The following HDAC9 variants were observed in gnomAD, a reference collection of about 807,000 sequenced individuals.
HDAC9 encodes the protein MEF-2 interacting transcription repressor (MITR) protein.
Under a neutral mutation model 139.4 loss-of-function variants are expected in HDAC9, and 41 were observed. That is an observed-to-expected ratio of 0.29 (90% CI 0.23 to 0.38). The LOEUF is 0.38. Among genes scored for constraint, HDAC9 ranks in the 10% least tolerant of loss-of-function variants. The probability of loss-of-function intolerance (pLI) is 1.00; values close to 1 mark genes in which losing one functional copy is unlikely to be tolerated. For synonymous variants in HDAC9, 517 were observed against 476.2 expected (o/e 1.09, Z -1.12); for missense variants, 1,147 against 1,297.0 (o/e 0.88, Z 1.78).
At chr7:18,647,290 A>C (rs1057018126) in intron 9 of HDAC9, among the ~76,000 whole-genome samples, 9 of 152,188 alleles carry the variant, frequency 5.9e-5, no homozygotes, top group Non-Finnish European at 1.2e-4. Context: ...TAAAAGGTAC[A>C]TATATTTGTG....
At chr7:18,698,512 T>G (rs1783219925) in intron 12 of HDAC9, among the ~76,000 whole-genome samples, 1 of 152,240 alleles carries the variant, frequency 6.6e-6, no homozygotes, top group Admixed American at 6.5e-5. Context: ...ACTTTGCTGA[T>G]ATAGTATTTC....
At chr7:18,995,937 AAAAATCAGCTTTGATTATGCATG>A (rs1786428206) in intron 25 of HDAC9, 63 bp from the exon 26 acceptor site, 1 of 992,654 alleles carries the variant, frequency 1.0e-6, no homozygotes. Context: ...GAGAGAGCTG[AAAAATCAGCTTTGATTATGCATG>A]AAAATCTACA....
At chr7:18,209,536 A>C (rs1334985394) in intron 2 of HDAC9, among the ~76,000 whole-genome samples, 1 of 152,166 alleles carries the variant, frequency 6.6e-6, no homozygotes, top group Non-Finnish European at 1.5e-5. Flanking sequence ...GACTGCTACT[A>C]TTATCCGGGC....
chr7:18,950,285 A>G lies in HDAC9; in HGVS notation c.2938-3861A>G, dbSNP rs911398105. 3.9e-5 allele frequency among the ~76,000 whole-genome samples: 6 copies of G among 152,016 alleles called. No individual in the cohort carries two copies. The East Asian group carries it at 1.2e-3, about 29-fold the overall frequency. The stretch of plus-strand genomic sequence containing the variant: ...TTGCATTTCCCTGCATTTCTGATCT[A>G]TAGAAATATCTGCCTGCATGTCAGG... On this transcript the variant is annotated intron_variant, in intron 23 of 25. Coordinates refer to ENST00000686413, the MANE Select transcript of HDAC9 (RefSeq NM_178425.4).
intron 12 of HDAC9, among the ~76,000 whole-genome samples, chr7:18,678,645 G>GT (rs1408905210): frequency 1.3e-5 from 2 of 151,774 alleles, no homozygotes; most frequent in Middle Eastern, 3.2e-3. Context: ...ATATAGATAT[G>GT]TTTTCCATTT....
At chr7:18,922,792 T>A (rs1803873743) in intron 22 of HDAC9, among the ~76,000 whole-genome samples, 1 of 152,068 alleles carries the variant, frequency 6.6e-6, no homozygotes, top group South Asian at 2.1e-4. Flanking sequence ...TTATCCAAAT[T>A]CAGAATCAGT....
chr7:18,583,895 A>G (rs184445789), intron 2 of HDAC9, among the ~76,000 whole-genome samples: 1 of 152,270 alleles, frequency 6.6e-6, no homozygotes, highest in African/African-American at 2.4e-5. Flanking sequence ...AAGCCATGCA[A>G]TCCAGTTTGC....
In HDAC9 at chr7:18,945,790, G is replaced by A. The variant is rs554400570; in HGVS notation, c.2938-8356G>A. On this transcript the variant is annotated intron_variant, in intron 23 of 25. Transcript: ENST00000686413. ...ACAGTGGCTCATGCCTGTAATCCCA[G>A]CACTTTGGGAGGCCAAGGTGGGCGA... Among the ~76,000 whole-genome samples, 6 of 151,582 alleles carry A rather than the reference G, an allele frequency of 4.0e-5. No homozygotes were observed. In the South Asian group the frequency reaches 1.3e-3, roughly 32 times the overall value.
chr7:18,245,105 T>A (rs1794438734), intron 2 of HDAC9, among the ~76,000 whole-genome samples: 1 of 152,150 alleles, frequency 6.6e-6, no homozygotes, highest in Admixed American at 6.5e-5. Flanking sequence ...ATGTGACTTC[T>A]CCTGGGCTCC....
chr7:18,367,045 AT>A (rs1784238390), intron 1 of HDAC9, among the ~76,000 whole-genome samples: 2 of 152,066 alleles, frequency 1.3e-5, no homozygotes, highest in South Asian at 4.2e-4. Context: ...TCTGTATGAG[AT>A]TTTTTCATTT....
chr7:18,731,262 TAAACTC>T (rs1360008514), intron 13 of HDAC9, among the ~76,000 whole-genome samples: 1 of 152,082 alleles, frequency 6.6e-6, no homozygotes, highest in Non-Finnish European at 1.5e-5. Flanking sequence ...TTTTTTAAAA[TAAACTC>T]ATACGATCTC....
At chr7:18,363,382 T>C (rs1783930752) in intron 1 of HDAC9, among the ~76,000 whole-genome samples, 1 of 152,266 alleles carries the variant, frequency 6.6e-6, no homozygotes. Flanking sequence ...AGAAACATAC[T>C]CATCCTAGAG....
intron 1 of HDAC9, among the ~76,000 whole-genome samples, chr7:18,330,913 A>G (rs1171345492): frequency 6.6e-6 from 1 of 151,738 alleles, no homozygotes; most frequent in Non-Finnish European, 1.5e-5. Flanking sequence ...TCCTGGTTTT[A>G]CTAACACAAG....
chr7:18,167,574 A>G (rs1788092461), intron 2 of HDAC9, among the ~76,000 whole-genome samples: 1 of 152,094 alleles, frequency 6.6e-6, no homozygotes, highest in South Asian at 2.1e-4. Flanking sequence ...TCTAATGGCT[A>G]CCCTTTGCCC....
At chr7:18,390,095 C>CACACAT (rs1554401598) in intron 1 of HDAC9, among the ~76,000 whole-genome samples, 1 of 148,054 alleles carries the variant, frequency 6.8e-6, no homozygotes, top group Non-Finnish European at 1.5e-5. Flanking sequence ...CACACACACA[C>CACACAT]GTCGTAGAGA....
Position 18,141,466 on chromosome 7 carries a change from T to G in HDAC9, c.-96-20763T>G, listed in dbSNP as rs868865958. Among the ~76,000 whole-genome samples the G allele has an allele frequency of 1.1e-4, 17 of 152,284 alleles. No homozygotes were observed. In the Middle Eastern group the frequency reaches 0.01, roughly 91 times the overall value. ...GCAGGAAATTTTGCATAGTAAATAC[T>G]TTAAAACTTTGGTATTCAGAGAGCA... On this transcript the variant is annotated intron_variant, in intron 1 of 12. Coordinates refer to the HDAC9 transcript ENST00000417496.
At chr7:18,887,721 T>G (rs981355136) in intron 22 of HDAC9, among the ~76,000 whole-genome samples, 17 of 152,378 alleles carry the variant, frequency 1.1e-4, no homozygotes, top group African/African-American at 4.1e-4. Context: ...TTAGTTATTT[T>G]TAAATGTTTA....
chr7:18,574,275 G>A (rs1248093723), intron 2 of HDAC9, among the ~76,000 whole-genome samples: 1 of 152,192 alleles, frequency 6.6e-6, no homozygotes, highest in Non-Finnish European at 1.5e-5. Flanking sequence ...CCAGTCAGTA[G>A]TCCAGACATC....
chr7:18,700,452 A>C (rs1196842331), intron 12 of HDAC9, among the ~76,000 whole-genome samples: 2 of 152,182 alleles, frequency 1.3e-5, no homozygotes. Context: ...GTTTATCAAG[A>C]TACGCTTGGG....
Sources: gnomAD v4.1 joint callset for allele counts (sites outside exome capture counted in the v4.1 genomes callset) on GRCh38, gnomAD v4.1.1 for gene constraint, MANE v1.5 for transcripts, NCBI Gene and HGNC (gene_info 2026-07-23, HGNC 2026-07-21) for gene names.